The following NUCB2 variants were observed in gnomAD, a reference collection of about 807,000 sequenced individuals.
NUCB2 encodes the protein nucleobindin-2.
Under a neutral mutation model 57.9 loss-of-function variants are expected in NUCB2, and 48 were observed. The ratio of observed to expected loss-of-function variants is 0.83; its 90% confidence interval spans 0.66 to 1.05. The LOEUF (loss-of-function observed/expected upper bound fraction) is 1.05. Among genes scored for constraint, NUCB2 ranks in the 50% least tolerant of loss-of-function variants. The probability of loss-of-function intolerance (pLI) is 0.00; values close to 1 mark genes in which losing one functional copy is unlikely to be tolerated. For missense variants in NUCB2, 442 were observed against 476.2 expected, an observed-to-expected ratio of 0.93 and a Z score of 0.67; for synonymous variants, 139 against 152.1, an observed-to-expected ratio of 0.91 and a Z score of 0.64.
intron 11 of NUCB2, among the ~76,000 whole-genome samples, chr11:17,320,440 T>A (rs1432954782): frequency 1.3e-5 from 2 of 152,094 alleles, no homozygotes; most frequent in Non-Finnish European, 2.9e-5. Context: ...GAGGCCGAGG[T>A]GGGCGGATCA....
Position 17,301,717 on chromosome 11 carries a change from AAACT to A in NUCB2, c.253-22_253-19del, listed in dbSNP as rs763020574. 2.0e-5 allele frequency: 32 copies of A among 1,583,846 alleles called. No homozygotes were observed. In the African/African-American group the frequency reaches 3.4e-4, roughly 17 times the overall value. On this transcript the variant is annotated intron_variant, in intron 4 of 13. Coordinates refer to ENST00000529010, the MANE Select transcript of NUCB2 (RefSeq NM_005013.4). ...GTCTAAAAATGGAATGTAATAGATAAAACTAACTTACTAATTTTGTTAACAGAGT... is the reference window on the plus strand; with the variant it reads ...GTCTAAAAATGGAATGTAATAGATAAAACTTACTAATTTTGTTAACAGAGT...
At chr11:17,306,682 C>T (rs369753035) in intron 5 of NUCB2, among the ~76,000 whole-genome samples, 158 of 152,138 alleles carry the variant, frequency 1.0e-3, no homozygotes, top group African/African-American at 3.4e-3. Context: ...TTTGGGAGGC[C>T]GAGGTGGGTG....
chr11:17,284,733 A>C (rs1268268574), intron 2 of NUCB2, among the ~76,000 whole-genome samples: 1 of 152,136 alleles, frequency 6.6e-6, no homozygotes, highest in Non-Finnish European at 1.5e-5. Flanking sequence ...TAACGTTATA[A>C]ATCACCTGAC....
intron 2 of NUCB2, among the ~76,000 whole-genome samples, chr11:17,285,936 C>G (rs964692051): frequency 1.0e-5 from 1 of 99,700 alleles, no homozygotes; most frequent in Non-Finnish European, 1.9e-5. Flanking sequence ...CGTGTGCGTA[C>G]ACACACACAC....
rs1226455074 is a variant in NUCB2 at position 17,288,956 on chromosome 11, TATATA to T, written c.-1+6014_-1+6018del. Among the ~76,000 whole-genome samples the T allele has an allele frequency of 4.6e-4, 36 of 77,576 alleles. 2 individuals carry two copies. Among genetic ancestry groups the T allele is most frequent in the Admixed American group, 2.4e-3 (17 of 7,132 alleles). The allele number at this position is 77,576 out of a possible 152,430, so 50.9% of individuals were successfully genotyped here. ...ACACACACACACACACACACATATA[TATATA>T]TATTTTTTTTTTTTGAGATGGAGTT... On this transcript the variant is annotated intron_variant, in intron 2 of 13. Coordinates refer to ENST00000529010, the MANE Select transcript of NUCB2 (RefSeq NM_005013.4).
intron 8 of NUCB2, 33 bp downstream of exon 8, chr11:17,311,316 T>G (rs558513894): frequency 1.4e-6 from 2 of 1,418,046 alleles, no homozygotes; most frequent in South Asian, 1.2e-5. Flanking sequence ...AATATTTATA[T>G]CTGCTGCTTG....
intron 2 of NUCB2, among the ~76,000 whole-genome samples, chr11:17,338,944 G>A (rs1236777565): frequency 6.6e-6 from 1 of 151,968 alleles, no homozygotes; most frequent in Non-Finnish European, 1.5e-5. Flanking sequence ...GATTACAGGT[G>A]TGAGCCACCG....
At chr11:17,297,655 C>G (rs546745227) in intron 4 of NUCB2, among the ~76,000 whole-genome samples, 1 of 152,124 alleles carries the variant, frequency 6.6e-6, no homozygotes, top group African/African-American at 2.4e-5. Context: ...TAGAGATATT[C>G]AGGCAAAAGA....
chr11:17,293,152 G>A (rs1179960945), intron 2 of NUCB2, among the ~76,000 whole-genome samples: 1 of 151,896 alleles, frequency 6.6e-6, no homozygotes, highest in East Asian at 1.9e-4. Flanking sequence ...TACTCGGGAG[G>A]CTGAGGCAGG....
At chr11:17,321,946 T>A (rs1222000928) in intron 11 of NUCB2, among the ~76,000 whole-genome samples, 1 of 152,180 alleles carries the variant, frequency 6.6e-6, no homozygotes, top group African/African-American at 2.4e-5. Flanking sequence ...GATTATTAGA[T>A]AATTCCCTAT....
At chr11:17,285,698 C>A (rs1406141649) in intron 2 of NUCB2, among the ~76,000 whole-genome samples, 1 of 141,842 alleles carries the variant, frequency 7.1e-6, no homozygotes, top group Non-Finnish European at 1.5e-5. Flanking sequence ...GAGCCAAGAT[C>A]GCGCCACTGC....
At chr11:17,288,877 GTATA>G (rs1190225120) in intron 2 of NUCB2, among the ~76,000 whole-genome samples, 56 of 34,700 alleles carry the variant, frequency 1.6e-3, no homozygotes, top group East Asian at 9.9e-3. Flanking sequence ...TTAATAACAT[GTATA>G]TACACACACA....
intron 11 of NUCB2, among the ~76,000 whole-genome samples, chr11:17,325,200 A>G (rs1950525044): frequency 6.6e-6 from 1 of 152,230 alleles, no homozygotes; most frequent in African/African-American, 2.4e-5. Context: ...TATTAGATCC[A>G]TTTGATCTAT....
chr11:17,307,194 G>A (rs1947799810), intron 5 of NUCB2, among the ~76,000 whole-genome samples: 1 of 152,136 alleles, frequency 6.6e-6, no homozygotes, highest in Non-Finnish European at 1.5e-5. Context: ...ATGAGCCACT[G>A]TGCCTGGCCC....
At chr11:17,297,554 A>G (rs1445363383) in intron 4 of NUCB2, among the ~76,000 whole-genome samples, 3 of 152,216 alleles carry the variant, frequency 2.0e-5, no homozygotes, top group Non-Finnish European at 4.4e-5. Flanking sequence ...TATGGTGAAT[A>G]TATCTGATGT....
chr11:17,282,038 A>G (rs543915133), intron 1 of NUCB2, among the ~76,000 whole-genome samples: 57 of 151,820 alleles, frequency 3.8e-4, no homozygotes, highest in African/African-American at 1.4e-3. Flanking sequence ...AATTGGTGGT[A>G]AGAGTAAAGA....
At chr11:17,305,644 A>G (rs1251078210) in intron 5 of NUCB2, among the ~76,000 whole-genome samples, 1 of 151,614 alleles carries the variant, frequency 6.6e-6, no homozygotes, top group African/African-American at 2.4e-5. Flanking sequence ...TTTTTTTTAG[A>G]CAGGTCTCAC....
chr11:17,277,691 C>T (rs1158218924), intron 1 of NUCB2, among the ~76,000 whole-genome samples: 2 of 151,964 alleles, frequency 1.3e-5, no homozygotes, highest in South Asian at 2.1e-4. Context: ...AATCCGTGGA[C>T]GAATATGAAC....
chr11:17,337,396 A>G (rs770218777), exon 2 of NUCB2: 11 of 152,340 alleles, frequency 7.2e-5, no homozygotes, highest in Non-Finnish European at 1.3e-4. Context: ...GAGTTAGATG[A>G]TGAGCTTCAT....
Sources: allele counts gnomAD v4.1 joint callset (sites outside exome capture counted in the v4.1 genomes callset), GRCh38; gene constraint gnomAD v4.1.1; transcripts MANE v1.5; gene names NCBI Gene and HGNC (gene_info 2026-07-23, HGNC 2026-07-21).